The following MBNL2 variants were observed in gnomAD, a reference collection of about 807,000 sequenced individuals.
MBNL2 encodes the protein muscleblind like splicing regulator 2, also known as muscleblind-like protein 2.
Under a neutral mutation model 41.9 loss-of-function variants are expected in MBNL2, and 17 were observed. The observed-to-expected ratio is 0.41, with a 90% CI of 0.28 to 0.61. The LOEUF (loss-of-function observed/expected upper bound fraction) is 0.61, where lower values mean the gene tolerates loss of function less well. Among genes scored for constraint, MBNL2 ranks in the 20% least tolerant of loss-of-function variants. MBNL2 has a pLI of 0.35. For synonymous variants in MBNL2, 195 were observed against 182.9 expected, an observed-to-expected ratio of 1.07 and a Z score of -0.53; for missense variants, 336 against 505.6, an observed-to-expected ratio of 0.66 and a Z score of 3.22.
At chr13:97,324,024 C>A (rs1026113673) in intron 2 of MBNL2, among the ~76,000 whole-genome samples, 5 of 152,102 alleles carry the variant, frequency 3.3e-5, no homozygotes, top group African/African-American at 4.8e-5. Context: ...CTTATTCATT[C>A]TTTCTGTTTT....
rs554342068 is a variant in MBNL2, at chr13:97,352,131, A to G, written c.805-4665A>G. ...TGGCTGGTTAGATCTGTCCAGCCCA[A>G]TAAAATTTTTCCCACACTGGCAATA... On this transcript the variant is annotated intron_variant, in intron 5 of 8. Coordinates refer to ENST00000679496, the MANE Select transcript of MBNL2 (RefSeq NM_001382683.1). Among the ~76,000 whole-genome samples the G allele has an allele frequency of 1.6e-3, 246 of 152,302 alleles. 1 individual carries two copies. Among genetic ancestry groups the G allele is most frequent in the African/African-American group, 5.6e-3 (231 of 41,568 alleles).
intron 8 of MBNL2, among the ~76,000 whole-genome samples, chr13:97,371,657 A>G (rs1213204601): frequency 6.6e-6 from 1 of 152,114 alleles, no homozygotes; most frequent in Non-Finnish European, 1.5e-5. Flanking sequence ...GATGGATTCG[A>G]GGCGGGAGAG....
At chr13:97,294,306 T>C (rs917216073) in intron 2 of MBNL2, among the ~76,000 whole-genome samples, 1 of 152,224 alleles carries the variant, frequency 6.6e-6, no homozygotes, top group African/African-American at 2.4e-5. Flanking sequence ...CACATGGAAA[T>C]GTAACACTCA....
chr13:97,329,693 TACAC>T (rs918864099), intron 2 of MBNL2, among the ~76,000 whole-genome samples: 6 of 158 alleles, frequency 0.038, 1 homozygote, highest in Admixed American at 0.12. Flanking sequence ...ACACACACAA[TACAC>T]ACACATGCAG....
intron 1 of MBNL2, among the ~76,000 whole-genome samples, chr13:97,223,482 TC>T (rs2041113917): frequency 6.6e-6 from 1 of 152,220 alleles, no homozygotes; most frequent in Non-Finnish European, 1.5e-5. Flanking sequence ...TTGTTAGGCC[TC>T]GGAAGCATGT....
chr13:97,284,363 T>C (rs2054018439), intron 2 of MBNL2, among the ~76,000 whole-genome samples: 1 of 152,144 alleles, frequency 6.6e-6, no homozygotes, highest in African/African-American at 2.4e-5. Context: ...CCTTGGCTCA[T>C]GGCAGCATCA....
chr13:97,291,917 A>AAAAAAAAAAAAAAAT (rs398070410), intron 2 of MBNL2, among the ~76,000 whole-genome samples: 2 of 125,426 alleles, frequency 1.6e-5, no homozygotes, highest in African/African-American at 6.1e-5. Flanking sequence ...AAAAAAAAAA[A>AAAAAAAAAAAAAAAT]GTGGGCTGGG....
the MBNL2 span, among the ~76,000 whole-genome samples, chr13:97,160,560 G>GCACACACA: frequency 6.6e-6 from 1 of 151,630 alleles, no homozygotes. Context: ...ACCTAGACAC[G>GCACACACA]CACACACACA....
the MBNL2 span, among the ~76,000 whole-genome samples, chr13:97,146,616 T>A: frequency 6.6e-6 from 1 of 152,300 alleles, no homozygotes; most frequent in East Asian, 1.9e-4. Context: ...AAAAATTGCC[T>A]GAAGCTCTGA....
intron 8 of MBNL2, among the ~76,000 whole-genome samples, chr13:97,374,766 T>A (rs1434953825): frequency 6.6e-6 from 1 of 152,166 alleles, no homozygotes; most frequent in East Asian, 1.9e-4. Context: ...ATTTTGGCTT[T>A]TGTTGATGGT....
At chr13:97,175,341 A>G in the MBNL2 span, among the ~76,000 whole-genome samples, 1 of 152,094 alleles carries the variant, frequency 6.6e-6, no homozygotes, top group Non-Finnish European at 1.5e-5. Flanking sequence ...CAAATCTCTT[A>G]TACAACGAAT....
At chr13:97,282,924 C>G (rs2152948654) in intron 2 of MBNL2, among the ~76,000 whole-genome samples, 1 of 152,362 alleles carries the variant, frequency 6.6e-6, no homozygotes, top group Admixed American at 6.5e-5. Flanking sequence ...CCAGAGAATG[C>G]AGACATGAAC....
At chr13:97,249,469 T>C (rs1293244825) in intron 1 of MBNL2, among the ~76,000 whole-genome samples, 1 of 152,258 alleles carries the variant, frequency 6.6e-6, no homozygotes, top group Non-Finnish European at 1.5e-5. Context: ...TAATATCTTC[T>C]GGTAAACACT....
At chr13:97,344,323 A>T (rs1425642864) in intron 4 of MBNL2, among the ~76,000 whole-genome samples, 1 of 152,200 alleles carries the variant, frequency 6.6e-6, no homozygotes, top group Non-Finnish European at 1.5e-5. Flanking sequence ...ACAGCATTTC[A>T]TAAGGGTGTA....
At chr13:97,234,265 G>A (rs1273980012) in intron 1 of MBNL2, among the ~76,000 whole-genome samples, 2 of 152,130 alleles carry the variant, frequency 1.3e-5, no homozygotes, top group Non-Finnish European at 2.9e-5. Flanking sequence ...TGTCTCTTTA[G>A]GAGGCGAGCC....
At chr13:97,207,071 C>T in the MBNL2 span, among the ~76,000 whole-genome samples, 1 of 152,168 alleles carries the variant, frequency 6.6e-6, no homozygotes, top group Non-Finnish European at 1.5e-5. Context: ...GGATCCCCTT[C>T]CCTTTCCTGC....
intron 8 of MBNL2, among the ~76,000 whole-genome samples, chr13:97,387,237 A>AG (rs2065991700): frequency 6.6e-6 from 1 of 152,084 alleles, no homozygotes; most frequent in African/African-American, 2.4e-5. Flanking sequence ...TTTCTTTCCT[A>AG]CCGTCATAGT....
rs550153289 is a variant in MBNL2, at chr13:97,374,034, A to AT, written c.1048+8864dup. ...TTCCTGCCTGTGGACGGTCCTTTGC[A>AT]TAACACCTCAAATCCCATCCTCCTT... is the stretch of plus-strand genomic sequence containing the variant. On this transcript the variant is annotated intron_variant, in intron 8 of 8. Coordinates refer to ENST00000679496, the MANE Select transcript of MBNL2 (RefSeq NM_001382683.1). Among the ~76,000 whole-genome samples, 261 of 142,010 alleles carry AT rather than the reference A, an allele frequency of 1.8e-3. 1 individual carries two copies. Among genetic ancestry groups the AT allele is most frequent in the African/African-American group, 6.6e-3 (246 of 37,442 alleles). The allele number at this position is 142,010 out of a possible 152,430, so 93.2% of individuals were successfully genotyped here. A position where few individuals can be genotyped will look rare whatever the true frequency, so the allele number is the denominator to read the frequency against.
chr13:97,299,388 G>A (rs970458395), intron 2 of MBNL2, among the ~76,000 whole-genome samples: 4 of 152,080 alleles, frequency 2.6e-5, no homozygotes, highest in Non-Finnish European at 4.4e-5. Context: ...CAGACACCAA[G>A]CAAATAAATA....
Sources: gnomAD v4.1 joint callset for allele counts (sites outside exome capture counted in the v4.1 genomes callset) on GRCh38, gnomAD v4.1.1 for gene constraint, MANE v1.5 for transcripts, NCBI Gene and HGNC (gene_info 2026-07-23, HGNC 2026-07-21) for gene names.